The following TIGAR variants were observed in gnomAD, a reference collection of about 807,000 sequenced individuals.
TIGAR encodes fructose-2,6-bisphosphatase TIGAR.
In TIGAR, 7 loss-of-function variants were observed where a neutral mutation model predicts 17.9. That is an observed-to-expected ratio of 0.39 (90% CI 0.22 to 0.73). TIGAR has a LOEUF of 0.73. Among genes scored for constraint, TIGAR ranks in the 30% least tolerant of loss-of-function variants. TIGAR has a pLI of 0.42. For missense variants in TIGAR, 258 were observed against 327.4 expected (o/e 0.79, Z 1.64); for synonymous variants, 94 against 108.6 (o/e 0.87, Z 0.84).
At chr12:4,338,977 CA>C (rs1192832105) in intron 3 of TIGAR, among the ~76,000 whole-genome samples, 7 of 100,598 alleles carry the variant, frequency 7.0e-5, no homozygotes, top group South Asian at 4.1e-4. Context: ...CTTTGTCTCA[CA>C]AAAAAAAAAA....
rs938748461 is a variant in TIGAR, at chr12:4,321,995, T to TA, written c.32+692_32+693insA. 2.6e-5 allele frequency among the ~76,000 whole-genome samples: 3 copies of TA among 114,914 alleles called. No individual in the cohort carries two copies. Among genetic ancestry groups the TA allele is most frequent in the African/African-American group, 6.2e-5 (2 of 32,350 alleles). The allele number at this position is 114,914 out of a possible 152,430, so 75.4% of individuals were successfully genotyped here. ...GTAGTTAAGAGCACAGATTTTTATTTTTATTTTTTTTTTTTTGTGAGATGG... is the reference window on the plus strand; with the variant it reads ...GTAGTTAAGAGCACAGATTTTTATTTATTATTTTTTTTTTTTTGTGAGATGG... On this transcript the variant is annotated intron_variant, in intron 1 of 5. Transcript: ENST00000179259. This position sits in a 1 kb window ranked among gnomAD's most constrained non-coding sequence, Gnocchi z 5.2.
intron 5 of TIGAR, 38 bp downstream of exon 5, chr12:4,351,415 G>C: frequency 6.4e-7 from 1 of 1,556,236 alleles, no homozygotes. Flanking sequence ...GTTGAATTAA[G>C]ACTCAAAATT....
chr12:4,347,849 A>C (rs2120687239), intron 3 of TIGAR, among the ~76,000 whole-genome samples: 1 of 152,264 alleles, frequency 6.6e-6, no homozygotes, highest in East Asian at 1.9e-4. Context: ...AAAATATGAG[A>C]GTTTAGCTGG....
chr12:4,357,833 G>A lies in TIGAR; in HGVS notation c.*5142G>A, dbSNP rs1325075669. ...GCAATCGCTGAGGTGGCTGGGCGTGGTGGCTCGCACCTGTAATCCCAGCAC... is the reference window on the plus strand; with the variant it reads ...GCAATCGCTGAGGTGGCTGGGCGTGATGGCTCGCACCTGTAATCCCAGCAC... On this transcript the variant is annotated 3_prime_UTR_variant, in exon 6 of 6. Coordinates refer to ENST00000179259, the MANE Select transcript of TIGAR (RefSeq NM_020375.3). Among the ~76,000 whole-genome samples the A allele has an allele frequency of 1.3e-5, 2 of 152,198 alleles. No individual in the cohort carries two copies. Among genetic ancestry groups the A allele is most frequent in the East Asian group, 1.9e-4 (1 of 5,200 alleles).
Position 4,357,639 on chromosome 12 carries a change from T to G in TIGAR, c.*4948T>G, listed in dbSNP as rs1033278707. ...GGTAACTACCAGTGCTTTAAAAACT[T>G]TAGGATTTCCCCCCACAGTTCTCAA... is the stretch of plus-strand genomic sequence containing the variant. On this transcript the variant is annotated 3_prime_UTR_variant, in exon 6 of 6. Coordinates refer to ENST00000179259, the MANE Select transcript of TIGAR (RefSeq NM_020375.3). 4.6e-5 allele frequency among the ~76,000 whole-genome samples: 7 copies of G among 152,222 alleles called. No homozygotes were observed. Among genetic ancestry groups the G allele is most frequent in the African/African-American group, 7.2e-5 (3 of 41,548 alleles).
At chr12:4,340,863 G>C (rs192742979) in intron 3 of TIGAR, among the ~76,000 whole-genome samples, 171 of 152,286 alleles carry the variant, frequency 1.1e-3, no homozygotes, top group Non-Finnish European at 1.8e-3. Flanking sequence ...CTAGACCCCT[G>C]TCTTTCTCCA....
At chr12:4,343,773 A>C (rs1475761078) in intron 3 of TIGAR, among the ~76,000 whole-genome samples, 1 of 152,242 alleles carries the variant, frequency 6.6e-6, no homozygotes, top group Non-Finnish European at 1.5e-5. Context: ...CACAGGAGAA[A>C]GCAGGAAAGA....
intron 3 of TIGAR, among the ~76,000 whole-genome samples, chr12:4,346,803 C>T (rs1864786559): frequency 6.6e-6 from 1 of 151,948 alleles, no homozygotes; most frequent in African/African-American, 2.4e-5. Flanking sequence ...TGAAAAAGTG[C>T]TCAACATCAT....
Position 4,356,573 on chromosome 12 carries a change from C to T in TIGAR, c.*3882C>T, listed in dbSNP as rs146510656. On this transcript the variant is annotated 3_prime_UTR_variant, in exon 6 of 6. Transcript: ENST00000179259. ...TGTTACCATCGGTGAGCCCACATTA[C>T]ACTGACATATCCACATCACCTGAAA... Among the ~76,000 whole-genome samples the T allele has an allele frequency of 5.9e-5, 9 of 152,280 alleles. No homozygotes were observed. In the East Asian group the frequency reaches 1.5e-3, roughly 26 times the overall value.
In TIGAR at chr12:4,356,419, A is replaced by G. The variant is rs1435421246; in HGVS notation, c.*3728A>G. Among the ~76,000 whole-genome samples the G allele has an allele frequency of 1.3e-5, 2 of 152,140 alleles. No homozygotes were observed. The highest frequency in any genetic ancestry group is 4.8e-5 in the African/African-American group (2 of 41,424). On this transcript the variant is annotated 3_prime_UTR_variant, in exon 6 of 6. Transcript: ENST00000179259. ...ACAAATGAATTTTTTAAGAGACTTA[A>G]TTTTTTAAGAGAAACTTTAATTTCC...
chr12:4,337,807 G>GAA (rs1437448015), intron 3 of TIGAR, among the ~76,000 whole-genome samples: 2 of 152,140 alleles, frequency 1.3e-5, no homozygotes, highest in African/African-American at 4.8e-5. Flanking sequence ...AGACTTGTTA[G>GAA]AAATATCTTC....
In TIGAR at chr12:4,350,246, A is replaced by T. The variant is rs531613162; in HGVS notation, c.270+350A>T. The stretch of plus-strand genomic sequence containing the variant: ...TTTCACTAGACTACCACTGATGTAA[A>T]TAATGTCAAAATAAACATCTTTGTA... On this transcript the variant is annotated intron_variant, in intron 4 of 5. Coordinates refer to ENST00000179259, the MANE Select transcript of TIGAR (RefSeq NM_020375.3). Among the ~76,000 whole-genome samples the T allele has an allele frequency of 2.6e-5, 4 of 152,374 alleles. No homozygotes were observed. The South Asian group carries it at 8.3e-4, about 32-fold the overall frequency.
chr12:4,324,309 A>G lies in TIGAR; in HGVS notation c.32+3006A>G, dbSNP rs1591658001. On this transcript the variant is annotated intron_variant, in intron 1 of 5. Transcript: ENST00000179259. ...TTTGCAGTGAGTCCCCGGCAAAACC[A>G]TCCATTTAACTTCCTTTTTTTTTTT... 1.1e-5 allele frequency: 8 copies of G among 705,354 alleles called. No homozygotes were observed. The East Asian group carries it at 2.1e-4, about 19-fold the overall frequency. 43.7% of individuals were successfully genotyped at this position (705,354 alleles called of 1,614,324 possible). A position where few individuals can be genotyped will look rare whatever the true frequency, so the allele number is the denominator to read the frequency against.
intron 3 of TIGAR, among the ~76,000 whole-genome samples, chr12:4,341,929 G>C (rs11063093): frequency 6.6e-6 from 1 of 151,970 alleles, no homozygotes; most frequent in Non-Finnish European, 1.5e-5. Context: ...CAGATGATCA[G>C]ACTTCTCTGA....
Position 4,358,858 on chromosome 12 carries a change from A to G in TIGAR, c.*6167A>G, listed in dbSNP as rs779527499. ...TTTGCCCTTCTTTTTTTCTCCCACCATCTATCTAACCAGATGAACTTTGTC... is the reference window on the plus strand; with the variant it reads ...TTTGCCCTTCTTTTTTTCTCCCACCGTCTATCTAACCAGATGAACTTTGTC... On this transcript the variant is annotated 3_prime_UTR_variant, in exon 6 of 6. Transcript: ENST00000179259. 2.0e-5 allele frequency among the ~76,000 whole-genome samples: 3 copies of G among 151,104 alleles called. No homozygotes were observed. The highest frequency in any genetic ancestry group is 2.9e-5 in the Non-Finnish European group (2 of 67,894).
At chr12:4,345,816 A>T (rs978129651) in intron 3 of TIGAR, among the ~76,000 whole-genome samples, 15 of 152,252 alleles carry the variant, frequency 9.9e-5, no homozygotes, top group Non-Finnish European at 1.5e-5. Context: ...ATCAGAGTGA[A>T]CAGGCAACCT....
intron 3 of TIGAR, among the ~76,000 whole-genome samples, chr12:4,343,883 G>A (rs1010330076): frequency 4.6e-5 from 7 of 152,178 alleles, no homozygotes; most frequent in Admixed American, 3.9e-4. Flanking sequence ...TAAGATCAGA[G>A]CAGAACTGGA....
At chr12:4,351,225 G>T (rs1344753680) in intron 4 of TIGAR, 42 bp from the exon 5 acceptor site, 1 of 1,568,500 alleles carries the variant, frequency 6.4e-7, no homozygotes, top group Admixed American at 1.7e-5. Flanking sequence ...TTGTTATATT[G>T]CAATTTCATT....
chr12:4,351,911 G>A (rs1864841658), intron 5 of TIGAR, among the ~76,000 whole-genome samples: 1 of 152,184 alleles, frequency 6.6e-6, no homozygotes, highest in African/African-American at 2.4e-5. Flanking sequence ...TGTTCCAGTG[G>A]CACTGAAGTG....
Sources: gnomAD v4.1 joint callset for allele counts (sites outside exome capture counted in the v4.1 genomes callset) on GRCh38, gnomAD v4.1.1 for gene constraint, Gnocchi (gnomAD v3.1) non-coding constraint, MANE v1.5 for transcripts, NCBI Gene and HGNC (gene_info 2026-07-23, HGNC 2026-07-21) for gene names.